TGFB2: variants seen among roughly 807,000 people sequenced by gnomAD.
TGFB2 encodes transforming growth factor beta 2.
In TGFB2, 13 loss-of-function variants were observed where a neutral mutation model predicts 42.7. That is an observed-to-expected ratio of 0.30 (90% confidence interval 0.20 to 0.48). The LOEUF (loss-of-function observed/expected upper bound fraction) is 0.48. Ranked by LOEUF, TGFB2 falls within the 20% of genes least tolerant of loss-of-function variation. The pLI is 0.99. For missense variants in TGFB2, 390 were observed against 517.5 expected (o/e 0.75, Z 2.39); for synonymous variants, 193 against 193.6 (o/e 1.00, Z 0.03).
intron 1 of TGFB2, among the ~76,000 whole-genome samples, chr1:218,376,164 C>T (rs965006861): frequency 5.3e-5 from 8 of 152,222 alleles, no homozygotes; most frequent in East Asian, 1.9e-4. Flanking sequence ...GTACATCTCC[C>T]GTTAAGTGTT....
In TGFB2 at chr1:218,434,142, A is replaced by T; in HGVS notation, c.571A>T (p.Lys191Ter). The T allele has an allele frequency of 6.2e-7, 1 of 1,614,226 alleles. No homozygotes were observed. Among genetic ancestry groups the T allele is most frequent in the African/African-American group, 1.3e-5 (1 of 75,066 alleles). Residue 191 changes from lysine (K) to a stop codon, truncating the protein, a stop_gained, in exon 3 of 7, where the codon AAA becomes TAA. Coordinates refer to ENST00000366930, the MANE Select transcript of TGFB2 (RefSeq NM_003238.6). LOFTEE classifies it high-confidence loss of function. ...GCGCTACATCGACAGCAAAGTTGTG[A>T]AAACAAGAGCAGAAGGCGAATGGCT... ...TQRYIDSKVVKTRAEGEWLSF... is the reference protein window; with the variant it reads ...TQRYIDSKVV
chr1:218,388,471 A>C (rs773251378), intron 1 of TGFB2, among the ~76,000 whole-genome samples: 44 of 152,178 alleles, frequency 2.9e-4, no homozygotes, highest in Non-Finnish European at 5.3e-4. Flanking sequence ...ACTGAGGTGG[A>C]CCCGTGGCCC....
intron 1 of TGFB2, among the ~76,000 whole-genome samples, chr1:218,389,471 G>T (rs1413285092): frequency 1.3e-5 from 2 of 152,184 alleles, no homozygotes; most frequent in African/African-American, 4.8e-5. Flanking sequence ...CCTCTGCCTA[G>T]CCTTCAGTGA....
intron 2 of TGFB2, among the ~76,000 whole-genome samples, chr1:218,427,145 C>T (rs1052138011): frequency 6.6e-6 from 1 of 151,968 alleles, no homozygotes; most frequent in Admixed American, 6.6e-5. Flanking sequence ...TTTAACCATC[C>T]TTTAAGTATA....
At chr1:218,404,101 C>G (rs184418507) in intron 1 of TGFB2, among the ~76,000 whole-genome samples, 1 of 147,402 alleles carries the variant, frequency 6.8e-6, no homozygotes, top group South Asian at 2.2e-4. Context: ...AACCCAGGAG[C>G]TTGATTGATT....
rs1311047664 is a variant in TGFB2 at position 218,442,251 on chromosome 1, A to C, written c.*889A>C. On this transcript the variant is annotated 3_prime_UTR_variant, in exon 7 of 7. Transcript: ENST00000366930. ...ATGTACTGGTCAAACTTCAGACCTT[A>C]AAATATTGCTGTATAGCTATGCTAT... 6.6e-6 allele frequency: 1 copy of C among 152,088 alleles called. No homozygotes were observed. Among genetic ancestry groups the C allele is most frequent in the Non-Finnish European group, 1.5e-5 (1 of 68,010 alleles). 9.4% of individuals were successfully genotyped at this position (152,088 alleles called of 1,614,324 possible). A position where few individuals can be genotyped will look rare whatever the true frequency, so the allele number is the denominator to read the frequency against.
In TGFB2 at chr1:218,443,339, C is replaced by G. The variant is rs1660217500; in HGVS notation, c.*1977C>G. On this transcript the variant is annotated 3_prime_UTR_variant, in exon 7 of 7. Transcript: ENST00000366930. ...AATAGGCAAAGCAATGGAATATTTGCAGTTTCACCTAAAGAGCAGCATAAG... is the reference window on the plus strand; with the variant it reads ...AATAGGCAAAGCAATGGAATATTTGGAGTTTCACCTAAAGAGCAGCATAAG... 1 of 152,188 alleles carries G rather than the reference C, an allele frequency of 6.6e-6. No homozygotes were observed. The highest frequency in any genetic ancestry group is 1.5e-5 in the Non-Finnish European group (1 of 68,030). 9.4% of individuals were successfully genotyped at this position (152,188 alleles called of 1,614,324 possible).
chr1:218,401,874 G>A (rs914481758), intron 1 of TGFB2, among the ~76,000 whole-genome samples: 4 of 152,332 alleles, frequency 2.6e-5, no homozygotes, highest in Middle Eastern at 6.8e-3. Flanking sequence ...TCCCTGCTCC[G>A]TGTATAGGGT....
At position 218,441,329 on chromosome 1, in the gene TGFB2, T is replaced by C. The variant is rs767716006; in HGVS notation, c.1212T>C (p.Ser404=). 3 of 1,610,294 alleles carry C rather than the reference T, an allele frequency of 1.9e-6. No individual in the cohort carries two copies. The South Asian group carries it at 3.3e-5, about 18-fold the overall frequency. ...IGKTPKIEQL[S]NMIVKSCKCS ...AAACACCCAAGATTGAACAGCTTTC[T>C]AATATGATTGTAAAGTCTTGCAAAT... is the stretch of plus-strand genomic sequence containing the variant. The change falls in exon 7 of 7, where the codon TCT becomes TCC. Residue 404 remains serine, a synonymous_variant. Transcript: ENST00000366930.
intron 1 of TGFB2, among the ~76,000 whole-genome samples, chr1:218,376,504 T>G (rs952751166): frequency 9.9e-5 from 15 of 152,214 alleles, no homozygotes; most frequent in African/African-American, 3.4e-4. Flanking sequence ...GATGAGTCCC[T>G]CTTGGAAGAG....
chr1:218,377,406 A>T (rs1399953112), intron 1 of TGFB2, among the ~76,000 whole-genome samples: 1 of 152,202 alleles, frequency 6.6e-6, no homozygotes, highest in Non-Finnish European at 1.5e-5. Context: ...ATTCCATTGG[A>T]ACCCAGTGCT....
intron 1 of TGFB2, among the ~76,000 whole-genome samples, chr1:218,367,289 A>C (rs1201434854): frequency 2.0e-5 from 3 of 152,194 alleles, no homozygotes; most frequent in Non-Finnish European, 4.4e-5. Flanking sequence ...CCATGGGGTA[A>C]GGACCTAGCA....
intron 1 of TGFB2, among the ~76,000 whole-genome samples, chr1:218,398,054 A>G (rs565322331): frequency 1.3e-5 from 2 of 152,352 alleles, no homozygotes; most frequent in African/African-American, 4.8e-5. Context: ...ATTAAACACT[A>G]AAGCCTCCTT....
chr1:218,358,688 ACAGGCACCCCCCAC>A (rs1198307853), intron 1 of TGFB2, among the ~76,000 whole-genome samples: 1 of 151,660 alleles, frequency 6.6e-6, no homozygotes, highest in Non-Finnish European at 1.5e-5. Context: ...AGCTGGGACT[ACAGGCACCCCCCAC>A]CATGCCCAGC....
At chr1:218,399,323 T>C (rs1307142370) in intron 1 of TGFB2, among the ~76,000 whole-genome samples, 1 of 152,218 alleles carries the variant, frequency 6.6e-6, no homozygotes, top group Non-Finnish European at 1.5e-5. Flanking sequence ...TTTACCATGA[T>C]GTGATTATTA....
intron 2 of TGFB2, among the ~76,000 whole-genome samples, chr1:218,432,165 T>C (rs1659827484): frequency 6.6e-6 from 1 of 152,204 alleles, no homozygotes; most frequent in Non-Finnish European, 1.5e-5. Flanking sequence ...TGGGAGGCAT[T>C]GGGCAAGTTA....
intron 1 of TGFB2, among the ~76,000 whole-genome samples, chr1:218,378,978 C>G (rs2796818): frequency 1.4e-4 from 21 of 152,146 alleles, no homozygotes; most frequent in African/African-American, 5.1e-4. Flanking sequence ...CAGGCCAGCT[C>G]GGTCTAGAAA....
intron 1 of TGFB2, among the ~76,000 whole-genome samples, chr1:218,395,611 C>CTTTTTTT (rs35666134): frequency 1.9e-4 from 27 of 138,614 alleles, no homozygotes; most frequent in Non-Finnish European, 2.8e-4. Context: ...TTTTCTTTTT[C>CTTTTTTT]TTTTTTTTTT....
chr1:218,411,927 T>TTA (rs1347373113), intron 2 of TGFB2, among the ~76,000 whole-genome samples: 5 of 151,474 alleles, frequency 3.3e-5, no homozygotes, highest in Non-Finnish European at 4.4e-5. Flanking sequence ...CCTTACTCTA[T>TTA]TAATCAAATG....
Sources: allele counts gnomAD v4.1 joint callset (sites outside exome capture counted in the v4.1 genomes callset), GRCh38; gene constraint gnomAD v4.1.1; transcripts MANE v1.5; gene names NCBI Gene and HGNC (gene_info 2026-07-23, HGNC 2026-07-21).